The following CNTN4 variants were observed in gnomAD, a reference collection of about 807,000 sequenced individuals.
CNTN4 encodes contactin-4.
In CNTN4, 77 loss-of-function variants were observed where a neutral mutation model predicts 122.5. The observed-to-expected ratio is 0.63, with a 90% CI of 0.52 to 0.76. CNTN4 has a LOEUF of 0.76. Among genes scored for constraint, CNTN4 ranks in the 30% least tolerant of loss-of-function variants. The probability of loss-of-function intolerance (pLI) is 0.00; values close to 1 mark genes in which losing one functional copy is unlikely to be tolerated. For missense variants in CNTN4, 1,256 were observed against 1,259.1 expected (o/e 1.00, Z 0.04); for synonymous variants, 512 against 447.0 (o/e 1.15, Z -1.83).
intron 2 of CNTN4, among the ~76,000 whole-genome samples, chr3:2,306,441 C>G (rs2042706708): frequency 6.6e-6 from 1 of 152,104 alleles, no homozygotes; most frequent in South Asian, 2.1e-4. Context: ...AGTTGTGTAT[C>G]ATCTTTGGAT....
chr3:2,679,457 C>T (rs1233319376), intron 4 of CNTN4, among the ~76,000 whole-genome samples: 1 of 152,100 alleles, frequency 6.6e-6, no homozygotes, highest in East Asian at 1.9e-4. Context: ...GCACTCTGGT[C>T]ATTCAGCGCA....
intron 2 of CNTN4, among the ~76,000 whole-genome samples, chr3:2,106,166 A>G (rs2032425415): frequency 6.6e-6 from 1 of 152,120 alleles, no homozygotes; most frequent in Admixed American, 6.5e-5. Flanking sequence ...AACTGCTTTC[A>G]TGGCTGGAGT....
Position 3,051,771 on chromosome 3 carries a change from A to G in CNTN4, c.2812-2036A>G, listed in dbSNP as rs140635103. 3.0e-4 allele frequency among the ~76,000 whole-genome samples: 46 copies of G among 152,314 alleles called. No individual in the cohort carries two copies. The East Asian group carries it at 6.4e-3, about 21-fold the overall frequency. ...AAGGTGATGAAATGCCAGGGAACAGATGGGTTCTAAACCATTCTAAAGGAA... is the reference window on the plus strand; with the variant it reads ...AAGGTGATGAAATGCCAGGGAACAGGTGGGTTCTAAACCATTCTAAAGGAA... On this transcript the variant is annotated intron_variant, in intron 23 of 24. Coordinates refer to ENST00000418658, the MANE Select transcript of CNTN4 (RefSeq NM_175607.3).
chr3:2,237,833 A>C (rs1471218645), intron 2 of CNTN4, among the ~76,000 whole-genome samples: 1 of 152,124 alleles, frequency 6.6e-6, no homozygotes, highest in Non-Finnish European at 1.5e-5. Context: ...ATGAAGATTA[A>C]ATAATTAATT....
At chr3:2,445,858 A>T (rs2048606290) in intron 3 of CNTN4, among the ~76,000 whole-genome samples, 1 of 152,064 alleles carries the variant, frequency 6.6e-6, no homozygotes, top group Non-Finnish European at 1.5e-5. Context: ...GATGCTGCTA[A>T]TATCAATTTG....
intron 3 of CNTN4, among the ~76,000 whole-genome samples, chr3:2,468,138 T>G (rs909129413): frequency 1.3e-5 from 2 of 152,216 alleles, no homozygotes; most frequent in Non-Finnish European, 2.9e-5. Flanking sequence ...GAATTTGACA[T>G]TTAAATTTTT....
chr3:2,465,648 G>C (rs989292867), intron 3 of CNTN4, among the ~76,000 whole-genome samples: 2 of 152,048 alleles, frequency 1.3e-5, no homozygotes, highest in African/African-American at 4.8e-5. Context: ...CTTCACTCCA[G>C]CCTAGGCGAC....
chr3:2,618,791 A>T (rs1167889717), intron 4 of CNTN4, among the ~76,000 whole-genome samples: 2 of 152,196 alleles, frequency 1.3e-5, no homozygotes, highest in African/African-American at 4.8e-5. Flanking sequence ...GTTCCAATCT[A>T]ATAAAACAAT....
intron 7 of CNTN4, among the ~76,000 whole-genome samples, chr3:2,838,082 T>G (rs547904534): frequency 6.6e-6 from 1 of 152,230 alleles, no homozygotes; most frequent in Admixed American, 6.5e-5. Flanking sequence ...GTTCTGTCAG[T>G]TTTGTGACCA....
Position 3,042,354 on chromosome 3 carries a change from G to A in CNTN4, c.2443G>A (p.Ala815Thr). Residue 815 changes from alanine (A) to threonine (T), a missense_variant, in exon 21 of 25, where the codon GCC (alanine) becomes ACC (threonine). Coordinates refer to ENST00000418658, the MANE Select transcript of CNTN4 (RefSeq NM_175607.3). ...PASIFARSLS[A>T]TDIEVFWASP... is the part of the protein sequence containing the mutation. ...CAGTATCTTTGCCAGAAGTCTTTCT[G>A]CCACAGATATTGAAGTTTTCTGGGC... 1 of 1,614,092 alleles carries A rather than the reference G, an allele frequency of 6.2e-7. No individual in the cohort carries two copies. Among genetic ancestry groups the A allele is most frequent in the Non-Finnish European group, 8.5e-7 (1 of 1,180,018 alleles).
At chr3:2,305,350 G>A (rs1666344) in intron 2 of CNTN4, among the ~76,000 whole-genome samples, 46,693 of 151,726 alleles carry the variant, frequency 0.31, 7,727 homozygotes, top group East Asian at 0.53. Flanking sequence ...GTATTTCACA[G>A]CACACTTGTT....
intron 3 of CNTN4, among the ~76,000 whole-genome samples, chr3:2,525,239 T>C (rs962606847): frequency 5.9e-5 from 9 of 152,164 alleles, no homozygotes; most frequent in African/African-American, 2.2e-4. Context: ...GCAAGTATTC[T>C]ATGGGGACTG....
chr3:2,484,037 A>AAAAC (rs2076077833), intron 3 of CNTN4, among the ~76,000 whole-genome samples: 1 of 152,232 alleles, frequency 6.6e-6, no homozygotes, highest in African/African-American at 2.4e-5. Flanking sequence ...AAACTGGGAG[A>AAAAC]AAACATTGGC....
chr3:2,609,832 A>G (rs1229670486), intron 4 of CNTN4, among the ~76,000 whole-genome samples: 1 of 152,160 alleles, frequency 6.6e-6, no homozygotes, highest in African/African-American at 2.4e-5. Context: ...CTATCAATAA[A>G]GAGGTATTTT....
At chr3:2,547,309 G>A (rs895256569) in intron 3 of CNTN4, among the ~76,000 whole-genome samples, 1 of 151,376 alleles carries the variant, frequency 6.6e-6, no homozygotes, top group Non-Finnish European at 1.5e-5. Context: ...TGTCTCTCAG[G>A]CTGGAGTGCA....
At position 3,034,806 on chromosome 3, in the gene CNTN4, C is replaced by T. The variant is rs767168082; in HGVS notation, c.1942+16C>T. 1 of 1,613,894 alleles carries T rather than the reference C, an allele frequency of 6.2e-7. No individual in the cohort carries two copies. Among genetic ancestry groups the T allele is most frequent in the South Asian group, 1.1e-5 (1 of 91,066 alleles). ...GTCAGTACAGGTACCATATTGGATGCTTGGCTCAGAGACATTGGGAACTCA... is the reference window on the plus strand; with the variant it reads ...GTCAGTACAGGTACCATATTGGATGTTTGGCTCAGAGACATTGGGAACTCA... On this transcript the variant is annotated intron_variant, in intron 17 of 24. Transcript: ENST00000418658.
intron 14 of CNTN4, among the ~76,000 whole-genome samples, chr3:3,001,383 A>G (rs892680237): frequency 2.6e-5 from 4 of 152,198 alleles, no homozygotes; most frequent in African/African-American, 7.2e-5. Flanking sequence ...GCATCACTGG[A>G]TAAGGAGTGA....
chr3:2,527,409 A>ATGCTGCTGCTGCTGCTGCTGCTGC (rs34099392), intron 3 of CNTN4, among the ~76,000 whole-genome samples: 4 of 149,928 alleles, frequency 2.7e-5, no homozygotes, highest in Admixed American at 6.7e-5. Context: ...GGAACAATGT[A>ATGCTGCTGCTGCTGCTGCTGCTGC]TGCTGCTGCT....
intron 15 of CNTN4, among the ~76,000 whole-genome samples, chr3:3,029,992 T>C (rs1258966587): frequency 6.6e-6 from 1 of 152,200 alleles, no homozygotes; most frequent in Non-Finnish European, 1.5e-5. Context: ...CCCTAAATTA[T>C]CTTGTCATCC....
Sources: gnomAD v4.1 joint callset for allele counts (sites outside exome capture counted in the v4.1 genomes callset) on GRCh38, gnomAD v4.1.1 for gene constraint, MANE v1.5 for transcripts, NCBI Gene and HGNC (gene_info 2026-07-23, HGNC 2026-07-21) for gene names.